The following UTRN variants were observed in gnomAD, a reference collection of about 807,000 sequenced individuals.
The protein encoded by UTRN is utrophin.
UTRN carries 283 observed loss-of-function variants against 463.9 expected under a neutral mutation model. The observed-to-expected ratio is 0.61, with a 90% CI of 0.55 to 0.67. The LOEUF is 0.67. UTRN is among the 30% of genes least tolerant of loss of function. The pLI, the probability that UTRN is intolerant of heterozygous loss-of-function variation, is 0.00. For synonymous variants in UTRN, 1,442 were observed against 1,431.5 expected (o/e 1.01, Z -0.17); for missense variants, 3,922 against 4,084.3 (o/e 0.96, Z 1.08).
chr6:144,412,771 A>ACACACG (rs1784029278), intron 3 of UTRN, among the ~76,000 whole-genome samples: 1 of 148,928 alleles, frequency 6.7e-6, no homozygotes, highest in Non-Finnish European at 1.5e-5. Context: ...ATACACACAC[A>ACACACG]CACACACACA....
intron 24 of UTRN, among the ~76,000 whole-genome samples, chr6:144,474,246 C>T (rs1383877100): frequency 6.6e-6 from 1 of 151,382 alleles, no homozygotes; most frequent in East Asian, 2.0e-4. Context: ...ACAATGACTC[C>T]ATGTTGTGCA....
chr6:144,366,957 T>G (rs1779561799), intron 2 of UTRN, among the ~76,000 whole-genome samples: 1 of 152,182 alleles, frequency 6.6e-6, no homozygotes, highest in East Asian at 1.9e-4. Context: ...TGATGTGAGA[T>G]GGTATCTCTA....
At chr6:144,765,308 C>A (rs970942621) in intron 58 of UTRN, among the ~76,000 whole-genome samples, 2 of 152,158 alleles carry the variant, frequency 1.3e-5, no homozygotes, top group African/African-American at 4.8e-5. Flanking sequence ...GTCATACATG[C>A]AATATTGACA....
intron 33 of UTRN, among the ~76,000 whole-genome samples, chr6:144,494,809 G>C (rs1451513062): frequency 2.6e-5 from 4 of 151,864 alleles, no homozygotes. Flanking sequence ...GGTGCTGATT[G>C]GTGTGTTTAC....
At chr6:144,741,509 C>T (rs1790077680) in intron 54 of UTRN, among the ~76,000 whole-genome samples, 3 of 152,082 alleles carry the variant, frequency 2.0e-5, no homozygotes, top group African/African-American at 4.8e-5. Context: ...TCTAGATACT[C>T]GGGATACAGT....
chr6:144,346,512 A>G (rs965694583), intron 2 of UTRN, among the ~76,000 whole-genome samples: 2 of 152,128 alleles, frequency 1.3e-5, no homozygotes, highest in African/African-American at 4.8e-5. Flanking sequence ...TAAGGACATT[A>G]AATTTAATGT....
intron 51 of UTRN, among the ~76,000 whole-genome samples, chr6:144,635,974 T>A (rs1364594681): frequency 6.6e-6 from 1 of 152,218 alleles, no homozygotes; most frequent in African/African-American, 2.4e-5. Context: ...TGGTGACTTT[T>A]GACACTGTAT....
At chr6:144,334,515 T>A (rs1443895110) in intron 2 of UTRN, among the ~76,000 whole-genome samples, 1 of 152,018 alleles carries the variant, frequency 6.6e-6, no homozygotes, top group Non-Finnish European at 1.5e-5. Flanking sequence ...GTGCCCGAGT[T>A]TGGGGTTCTA....
intron 50 of UTRN, among the ~76,000 whole-genome samples, chr6:144,559,389 A>C (rs990190865): frequency 3.2e-4 from 48 of 152,128 alleles, no homozygotes; most frequent in Middle Eastern, 3.2e-3. Context: ...AAACAGAGCA[A>C]AACTGGCTCA....
At chr6:144,734,017 A>G (rs1789074277) in intron 54 of UTRN, among the ~76,000 whole-genome samples, 1 of 152,192 alleles carries the variant, frequency 6.6e-6, no homozygotes, top group Non-Finnish European at 1.5e-5. Context: ...TGAGTAAATA[A>G]GAGGTATAAA....
Position 144,514,774 on chromosome 6 carries a change from T to G in UTRN, c.5198T>G (p.Leu1733Arg). The change falls in exon 37 of 75, where the codon CTG becomes CGG. Residue 1733 changes from leucine (L) to arginine (R), a missense_variant. Coordinates refer to ENST00000367545, the MANE Select transcript of UTRN (RefSeq NM_007124.3). ...RELVEPKLAE[L>R]NRNFEKVSQH... ...CTTGTAGAACCAAAGTTAGCTGAGC[T>G]GAATAGGAACTTTGAAAAGGTGTCT... 1 of 1,614,148 alleles carries G rather than the reference T, an allele frequency of 6.2e-7. No homozygotes were observed. Among genetic ancestry groups the G allele is most frequent in the Middle Eastern group, 1.7e-4 (1 of 6,060 alleles).
intron 25 of UTRN, among the ~76,000 whole-genome samples, chr6:144,478,354 T>A (rs1031835916): frequency 2.6e-5 from 4 of 152,234 alleles, no homozygotes; most frequent in Non-Finnish European, 5.9e-5. Flanking sequence ...ATTATATTGC[T>A]GACTAGTGTT....
At chr6:144,422,706 CA>C (rs1176121614) in intron 4 of UTRN, among the ~76,000 whole-genome samples, 1 of 151,986 alleles carries the variant, frequency 6.6e-6, no homozygotes, top group Non-Finnish European at 1.5e-5. Context: ...TTTTTAAATA[CA>C]ACTCTATTAT....
Position 144,554,800 on chromosome 6 carries a change from G to A in UTRN, c.7041G>A (p.Glu2347=). The change falls in exon 49 of 75, where the codon GAG becomes GAA. Residue 2347 remains glutamate (E), a synonymous_variant. Transcript: ENST00000367545. Reference sequence around the variant, plus strand: ...TTCAGTGGGATGACCATAGGGAGGAGACTGAAGAACTGATGAGAAAATATG... The same window carrying A: ...TTCAGTGGGATGACCATAGGGAGGAAACTGAAGAACTGATGAGAAAATATG... ...DSLQWDDHRE[E]TEELMRKYEA... 1 of 1,613,992 alleles carries A rather than the reference G, an allele frequency of 6.2e-7. No individual in the cohort carries two copies. The highest frequency in any genetic ancestry group is 8.5e-7 in the Non-Finnish European group (1 of 1,179,982).
intron 55 of UTRN, among the ~76,000 whole-genome samples, chr6:144,749,441 A>G (rs1391488931): frequency 1.3e-5 from 2 of 152,198 alleles, no homozygotes; most frequent in East Asian, 3.8e-4. Flanking sequence ...ACACCTGCCA[A>G]CAGACTTCCA....
At chr6:144,643,776 A>G (rs1778012563) in intron 51 of UTRN, among the ~76,000 whole-genome samples, 1 of 147,768 alleles carries the variant, frequency 6.8e-6, no homozygotes, top group African/African-American at 2.6e-5. Context: ...CAGCCTGGAC[A>G]AGAGTGAAAC....
chr6:144,585,185 G>A (rs529823940), intron 51 of UTRN, among the ~76,000 whole-genome samples: 62 of 152,146 alleles, frequency 4.1e-4, no homozygotes, highest in Non-Finnish European at 5.9e-4. Flanking sequence ...GAAGTCATTG[G>A]ATAAATTACC....
At chr6:144,357,279 A>G (rs1034230815) in intron 2 of UTRN, among the ~76,000 whole-genome samples, 1 of 152,142 alleles carries the variant, frequency 6.6e-6, no homozygotes, top group Non-Finnish European at 1.5e-5. Flanking sequence ...TCATTTCCGC[A>G]CGATGATATG....
At chr6:144,556,533 A>T (rs1271293705) in intron 49 of UTRN, among the ~76,000 whole-genome samples, 7 of 152,256 alleles carry the variant, frequency 4.6e-5, no homozygotes, top group Admixed American at 2.6e-4. Context: ...AAAGCATTAT[A>T]TTAAAGGTTT....
Sources: gnomAD v4.1 joint callset for allele counts (sites outside exome capture counted in the v4.1 genomes callset) on GRCh38, gnomAD v4.1.1 for gene constraint, MANE v1.5 for transcripts, NCBI Gene and HGNC (gene_info 2026-07-23, HGNC 2026-07-21) for gene names.